Variants in CHD5 observed in about 807,000 individuals in gnomAD.
CHD5 encodes ATP-dependent chromatin remodeler CHD5.
In CHD5, 69 loss-of-function variants were observed where a neutral mutation model predicts 230.3. The ratio of observed to expected loss-of-function variants is 0.30; its 90% CI spans 0.25 to 0.37. The LOEUF (loss-of-function observed/expected upper bound fraction) is 0.37, where lower values mean the gene tolerates loss of function less well. Among genes scored for constraint, CHD5 ranks in the 10% least tolerant of loss-of-function variants. CHD5 has a pLI of 1.00. For missense variants in CHD5, 1,827 were observed against 2,622.8 expected (o/e 0.70, Z 6.63); for synonymous variants, 1,064 against 1,065.9 (o/e 1.00, Z 0.03).
At position 6,123,951 on chromosome 1, in the gene CHD5, G is replaced by A. The variant is rs1160310339; in HGVS notation, c.4696C>T (p.Pro1566Ser). The A allele has an allele frequency of 1.9e-6, 3 of 1,554,146 alleles. No homozygotes were observed. The highest frequency in any genetic ancestry group is 2.6e-6 in the Non-Finnish European group (3 of 1,153,722). Residue 1566 changes from proline (P) to serine (S), a missense_variant, in exon 31 of 42, where the codon CCA becomes TCA. By Grantham distance (74) the Pro-to-Ser change is moderately conservative. Around this residue, in one of 14 missense-constraint regions of CHD5, gnomAD observed 272 missense variants for 263.2 expected, o/e 1.03. Transcript: ENST00000262450. Reference protein sequence around the residue: ...AHLLPAPLGLPDKMEAQLGYM... With the variant: ...AHLLPAPLGLSDKMEAQLGYM... ...CCGGCCCGCCCAGCCCACAGACCTG[G>A]CAGGCCCAGCGGGGCTGGCAGGAGG...
intron 2 of CHD5, among the ~76,000 whole-genome samples, chr1:6,165,973 A>G (rs1667247101): frequency 6.6e-6 from 1 of 151,866 alleles, no homozygotes; most frequent in African/African-American, 2.4e-5. Flanking sequence ...GCCAGGCAGG[A>G]GCCTCCACAC....
rs1018645334 is a variant in CHD5 at position 6,130,075 on chromosome 1, G to A, written c.3387+129C>T. The A allele has an allele frequency of 6.0e-5, 65 of 1,080,944 alleles. No homozygotes were observed. The highest frequency in any genetic ancestry group is 3.3e-4 in the South Asian group (23 of 69,690). The allele number at this position is 1,080,944 out of a possible 1,614,324, so 67.0% of individuals were successfully genotyped here. A position where few individuals can be genotyped will look rare whatever the true frequency, so the allele number is the denominator to read the frequency against. On this transcript the variant is annotated intron_variant, in intron 22 of 41. Transcript: ENST00000262450. This position sits in a 1 kb window ranked among gnomAD's most constrained non-coding sequence, Gnocchi z 4.9. ...GCCCCTCTTGGGGCCGAGACTCCACGGGGGAGGGAGGCCCACAGCACCAGG... is the reference window on the plus strand; with the variant it reads ...GCCCCTCTTGGGGCCGAGACTCCACAGGGGAGGGAGGCCCACAGCACCAGG...
chr1:6,135,467 G>C, intron 17 of CHD5, 64 bp from the exon 18 acceptor site: 1 of 1,480,182 alleles, frequency 6.8e-7, no homozygotes, highest in South Asian at 1.3e-5. Flanking sequence ...GCAGGGTGCA[G>C]AGCGCCTAGC....
chr1:6,147,453 G>A (rs1249465321), intron 9 of CHD5, among the ~76,000 whole-genome samples: 1 of 152,198 alleles, frequency 6.6e-6, no homozygotes, highest in Non-Finnish European at 1.5e-5. Flanking sequence ...ACACTGCAGG[G>A]GCCCTGACAG....
At chr1:6,174,467 A>T (rs1299916398) in intron 1 of CHD5, among the ~76,000 whole-genome samples, 1 of 151,698 alleles carries the variant, frequency 6.6e-6, no homozygotes, top group Non-Finnish European at 1.5e-5. Context: ...TGATGAATTG[A>T]TGGATAGATG....
At chr1:6,178,153 G>A (rs891082484) in intron 1 of CHD5, among the ~76,000 whole-genome samples, 1 of 152,166 alleles carries the variant, frequency 6.6e-6, no homozygotes, top group Non-Finnish European at 1.5e-5. Context: ...CTTCTGCAGG[G>A]CTCTGGGGGC....
Position 6,131,757 on chromosome 1 carries a change from G to T in CHD5, c.3145-9C>A, listed in dbSNP as rs1000196057. 3 of 1,585,656 alleles carry T rather than the reference G, an allele frequency of 1.9e-6. No homozygotes were observed. Among genetic ancestry groups the T allele is most frequent in the Non-Finnish European group, 2.6e-6 (3 of 1,154,808 alleles). ...TCCAGCATCTTGGTCATCTGCAGGG[G>T]AGACGGGCACGTGAGGAACTGCCAA... On this transcript the variant is annotated splice_polypyrimidine_tract_variant and intron_variant, in intron 20 of 41. Coordinates refer to ENST00000262450, the MANE Select transcript of CHD5 (RefSeq NM_015557.3). This position sits in a 1 kb window ranked among gnomAD's most constrained non-coding sequence, Gnocchi z 5.0.
intron 38 of CHD5, 140 bp downstream of exon 38, chr1:6,109,655 T>C (rs1666253355): frequency 1.4e-6 from 1 of 713,446 alleles, no homozygotes; most frequent in Admixed American, 2.4e-5. Flanking sequence ...TGTTCCATCT[T>C]GGCCCAGAAG....
intron 1 of CHD5, among the ~76,000 whole-genome samples, chr1:6,175,605 G>C (rs1456031737): frequency 6.6e-6 from 1 of 151,724 alleles, no homozygotes; most frequent in Non-Finnish European, 1.5e-5. Context: ...GGATGGATTG[G>C]AGGATGGATG....
At position 6,154,179 on chromosome 1, in the gene CHD5, C is replaced by T. The variant is rs994871736; in HGVS notation, c.745+481G>A. On this transcript the variant is annotated intron_variant, in intron 5 of 41. Coordinates refer to ENST00000262450, the MANE Select transcript of CHD5 (RefSeq NM_015557.3). The surrounding 1 kb of genome is among the most constrained non-coding windows in gnomAD (Gnocchi z 7.0). ...CAGGGCCTCCATGCTCCACATTGGCCGAGGGCCTGGAGAACAACCCTGCAC... is the reference window on the plus strand; with the variant it reads ...CAGGGCCTCCATGCTCCACATTGGCTGAGGGCCTGGAGAACAACCCTGCAC... Among the ~76,000 whole-genome samples, 9 of 152,262 alleles carry T rather than the reference C, an allele frequency of 5.9e-5. No homozygotes were observed. The highest frequency in any genetic ancestry group is 1.7e-4 in the African/African-American group (7 of 41,542).
intron 38 of CHD5, among the ~76,000 whole-genome samples, chr1:6,108,088 GGAT>G (rs200487474): frequency 6.9e-6 from 1 of 145,230 alleles, no homozygotes; most frequent in African/African-American, 2.6e-5. Context: ...AGAGATGGAG[GGAT>G]GATGGAGGGA....
Position 6,121,107 on chromosome 1 carries a change from C to A in CHD5, c.4910G>T (p.Arg1637Ile). The A allele has an allele frequency of 6.3e-7, 1 of 1,595,282 alleles. No homozygotes were observed. The highest frequency in any genetic ancestry group is 2.2e-5 in the East Asian group (1 of 44,764). The change falls in exon 33 of 42, where the codon AGA becomes ATA. Residue 1637 changes from arginine to isoleucine, a missense_variant and splice_region_variant. Physicochemically the swap from Arg to Ile is moderately conservative, Grantham distance 97. Transcript: ENST00000262450. This position sits in a 1 kb window ranked among gnomAD's most constrained non-coding sequence, Gnocchi z 4.5. ...KAPPSPEQLPREEVLPEKEKI... is the reference protein window; with the variant it reads ...KAPPSPEQLPIEEVLPEKEKI... Reference sequence around the variant, plus strand: ...GGTGGCCTGCAAGAAGCCCCAACCTCTCGGCAGCTGCTCCGGGGAGGGCGG... The same window carrying A: ...GGTGGCCTGCAAGAAGCCCCAACCTATCGGCAGCTGCTCCGGGGAGGGCGG...
At chr1:6,136,156 G>T (rs1395269602) in intron 17 of CHD5, among the ~76,000 whole-genome samples, 1 of 152,092 alleles carries the variant, frequency 6.6e-6, no homozygotes, top group Non-Finnish European at 1.5e-5. Flanking sequence ...GGCCACCGGG[G>T]AGCTTGCCTC....
rs1473448320 is a variant in CHD5 at position 6,104,761 on chromosome 1, C to T, written c.*713G>A. On this transcript the variant is annotated 3_prime_UTR_variant, in exon 42 of 42. Transcript: ENST00000262450. ...GACAGACACCTGCTGGCAGAGGATC[C>T]ACCTCCCCACAAGGAGAGAGCAAAC... 6.5e-6 allele frequency: 1 copy of T among 152,768 alleles called. No individual in the cohort carries two copies. The highest frequency in any genetic ancestry group is 2.4e-5 in the African/African-American group (1 of 41,454). The allele number at this position is 152,768 out of a possible 1,614,324, so 9.5% of individuals were successfully genotyped here.
chr1:6,126,987 G>A lies in CHD5; in HGVS notation c.3904-241C>T. 3.6e-6 allele frequency: 2 copies of A among 558,818 alleles called. No individual in the cohort carries two copies. Among genetic ancestry groups the A allele is most frequent in the Non-Finnish European group, 6.4e-6 (2 of 311,260 alleles). The allele number at this position is 558,818 out of a possible 1,614,324, so 34.6% of individuals were successfully genotyped here. ...CCATTCACAAAGCAAGTATTTCCTC[G>A]CCTCCTGTCAAGCACTGAGGTACTG... On this transcript the variant is annotated intron_variant, in intron 25 of 41. Transcript: ENST00000262450. This position sits in a 1 kb window ranked among gnomAD's most constrained non-coding sequence, Gnocchi z 5.7.
chr1:6,138,283 G>A (rs370203621), intron 15 of CHD5, among the ~76,000 whole-genome samples: 3 of 152,028 alleles, frequency 2.0e-5, no homozygotes, highest in African/African-American at 4.8e-5. Flanking sequence ...AGGCTGAGGC[G>A]GGAGAATCAC....
At chr1:6,113,095 A>C (rs1360964043) in intron 33 of CHD5, 97 bp from the exon 34 acceptor site, 6 of 845,074 alleles carry the variant, frequency 7.1e-6, no homozygotes, top group Non-Finnish European at 1.2e-5. Flanking sequence ...CCTATCCATC[A>C]ATATGTTCCG....
chr1:6,123,806 G>A (rs1666509724), intron 31 of CHD5, 142 bp downstream of exon 31: 1 of 548,416 alleles, frequency 1.8e-6, no homozygotes. Flanking sequence ...AAAACTCTCT[G>A]TAGAGTGACA....
chr1:6,106,510 C>G lies in CHD5; in HGVS notation c.5743-1G>C. ...ACATCTGGGAGGAGCCGAAAGCGCC[C>G]TGGAGGCAAGGACTCAGCTTCACAG... On this transcript the variant is annotated splice_acceptor_variant, in intron 39 of 41. Transcript: ENST00000262450. LOFTEE classifies it high-confidence loss of function. 6.4e-7 allele frequency: 1 copy of G among 1,551,540 alleles called. No individual in the cohort carries two copies. The highest frequency in any genetic ancestry group is 8.7e-7 in the Non-Finnish European group (1 of 1,147,552).
Sources: allele counts gnomAD v4.1 joint callset (sites outside exome capture counted in the v4.1 genomes callset), GRCh38; gene constraint gnomAD v4.1.1; regional missense constraint gnomAD v4.1.1; non-coding constraint Gnocchi (gnomAD v3.1); transcripts MANE v1.5; gene names NCBI Gene and HGNC (gene_info 2026-07-23, HGNC 2026-07-21).